ZNF776: variants seen among roughly 807,000 people sequenced by gnomAD.
The protein encoded by ZNF776 is zinc finger protein 776.
Under a neutral mutation model 7.0 loss-of-function variants are expected in ZNF776, and 4 were observed. The ratio of observed to expected loss-of-function variants is 0.57; its 90% CI spans 0.28 to 1.31. ZNF776 has a LOEUF of 1.31. Among genes scored for constraint, ZNF776 ranks in the 50% most tolerant of loss-of-function variants. ZNF776 has a pLI of 0.10. For missense variants in ZNF776, 555 were observed against 625.9 expected (o/e 0.89, Z 1.21); for synonymous variants, 212 against 213.7 (o/e 0.99, Z 0.07).
In ZNF776 at chr19:57,753,311, G is replaced by C. The variant is rs1323630153; in HGVS notation, c.181G>C (p.Asp61His). ...SSLGCWYGAK[D>H]ETPSKQTLSI... is the part of the protein sequence containing the mutation. ...TTTAGGTTGTTGGTATGGAGCAAAA[G>C]ACGAGACACCTTCTAAGCAGACCCT... is the stretch of plus-strand genomic sequence containing the variant. Residue 61 changes from aspartate (D) to histidine (H), a missense_variant, in exon 3 of 3, where the codon GAC (aspartate) becomes CAC (histidine). Coordinates refer to ENST00000317178, the MANE Select transcript of ZNF776 (RefSeq NM_173632.4). 3 of 1,609,704 alleles carry C rather than the reference G, an allele frequency of 1.9e-6. No homozygotes were observed. Among genetic ancestry groups the C allele is most frequent in the Non-Finnish European group, 2.5e-6 (3 of 1,178,408 alleles).
intron 1 of ZNF776, 33 bp from the exon 2 acceptor site, chr19:57,750,752 T>C (rs574431727): frequency 1.3e-6 from 2 of 1,596,764 alleles, no homozygotes; most frequent in African/African-American, 1.3e-5. Context: ...GCATATGGAG[T>C]GTTTGTGGTT....
chr19:57,753,386 A>T lies in ZNF776; in HGVS notation c.256A>T (p.Thr86Ser). 5.6e-6 allele frequency: 9 copies of T among 1,614,240 alleles called. No individual in the cohort carries two copies. The highest frequency in any genetic ancestry group is 7.6e-6 in the Non-Finnish European group (9 of 1,180,046). ...CAGGACACATTGGACAGGTGTATGT[A>T]CCAAGAAGGTCCACCTCTGGGGAAT... ...PLRTHWTGVCTKKVHLWGMCG... is the reference protein window; with the variant it reads ...PLRTHWTGVCSKKVHLWGMCG... Residue 86 changes from threonine to serine, a missense_variant, in exon 3 of 3, where the codon ACC becomes TCC. Coordinates refer to ENST00000317178, the MANE Select transcript of ZNF776 (RefSeq NM_173632.4).
chr19:57,751,417 A>G (rs1346365821), intron 2 of ZNF776, among the ~76,000 whole-genome samples: 1 of 152,174 alleles, frequency 6.6e-6, no homozygotes, highest in Non-Finnish European at 1.5e-5. Flanking sequence ...GCTGGAGTGC[A>G]GTGCTGCAGT....
Position 57,747,039 on chromosome 19 carries a change from C to G in ZNF776, c.-20C>G, listed in dbSNP as rs1414871571. The G allele has an allele frequency of 1.9e-6, 3 of 1,577,692 alleles. No individual in the cohort carries two copies. Among genetic ancestry groups the G allele is most frequent in the Non-Finnish European group, 2.6e-6 (3 of 1,161,476 alleles). ...ACTGCTCGCCCCCTCCTTTCGACCC[C>G]GCTTTCCCCACCCAGTCGGATGGCG... On this transcript the variant is annotated 5_prime_UTR_variant, in exon 1 of 3. Transcript: ENST00000317178.
Position 57,755,085 on chromosome 19 carries a change from G to T in ZNF776, c.*398G>T, listed in dbSNP as rs1986737749. 5.1e-6 allele frequency: 1 copy of T among 196,008 alleles called. No individual in the cohort carries two copies. The highest frequency in any genetic ancestry group is 9.8e-5 in the South Asian group (1 of 10,206). 12.1% of individuals were successfully genotyped at this position (196,008 alleles called of 1,614,324 possible). On this transcript the variant is annotated 3_prime_UTR_variant, in exon 3 of 3. Coordinates refer to ENST00000317178, the MANE Select transcript of ZNF776 (RefSeq NM_173632.4). The stretch of plus-strand genomic sequence containing the variant: ...TATTCATCAGATAATTTACAATGGA[G>T]AAAGGCCACATAATAATTTCTCACA...
In ZNF776 at chr19:57,753,400, C is replaced by T. The variant is rs1255873458; in HGVS notation, c.270C>T (p.His90=). 1 of 1,614,200 alleles carries T rather than the reference C, an allele frequency of 6.2e-7. No individual in the cohort carries two copies. The highest frequency in any genetic ancestry group is 8.5e-7 in the Non-Finnish European group (1 of 1,180,038). Reference sequence around the variant, plus strand: ...CAGGTGTATGTACCAAGAAGGTCCACCTCTGGGGAATGTGTGGCCCTCTCC... The same window carrying T: ...CAGGTGTATGTACCAAGAAGGTCCATCTCTGGGGAATGTGTGGCCCTCTCC... ...HWTGVCTKKV[H]LWGMCGPLLG... The change falls in exon 3 of 3, where the codon CAC becomes CAT. Residue 90 remains histidine (H), a synonymous_variant. Coordinates refer to ENST00000317178, the MANE Select transcript of ZNF776 (RefSeq NM_173632.4).
chr19:57,753,497 T>C lies in ZNF776; in HGVS notation c.367T>C (p.Leu123=), dbSNP rs147594107. 7 of 1,613,850 alleles carry C rather than the reference T, an allele frequency of 4.3e-6. No homozygotes were observed. Among genetic ancestry groups the C allele is most frequent in the African/African-American group, 2.7e-5 (2 of 74,844 alleles). ...LNGFGAYEKK[L]DDDANHHQDQ... ...TGGGTTTGGGGCATATGAAAAAAAA[T>C]TGGATGACGATGCAAACCATCATCA... The change falls in exon 3 of 3, where the codon TTG becomes CTG. Residue 123 remains leucine, a synonymous_variant. Transcript: ENST00000317178.
In ZNF776 at chr19:57,754,809, C is replaced by G. The variant is rs980299061; in HGVS notation, c.*122C>G. 1 of 936,432 alleles carries G rather than the reference C, an allele frequency of 1.1e-6. No homozygotes were observed. The highest frequency in any genetic ancestry group is 1.6e-6 in the Non-Finnish European group (1 of 628,196). The allele number at this position is 936,432 out of a possible 1,614,324, so 58.0% of individuals were successfully genotyped here. On this transcript the variant is annotated 3_prime_UTR_variant, in exon 3 of 3. Coordinates refer to ENST00000317178, the MANE Select transcript of ZNF776 (RefSeq NM_173632.4). Reference sequence around the variant, plus strand: ...ATCTAGCCAAAAGGTTGGCCTCATTCAACAATAGCAAGATCACACTGGGGA... The same window carrying G: ...ATCTAGCCAAAAGGTTGGCCTCATTGAACAATAGCAAGATCACACTGGGGA...
intron 1 of ZNF776, among the ~76,000 whole-genome samples, chr19:57,748,228 C>T (rs1986497271): frequency 6.6e-6 from 1 of 152,302 alleles, no homozygotes; most frequent in South Asian, 2.1e-4. Context: ...TATTTTGTTA[C>T]AGCATCTAGG....
At chr19:57,752,472 C>T (rs796404108) in intron 2 of ZNF776, among the ~76,000 whole-genome samples, 8 of 152,260 alleles carry the variant, frequency 5.3e-5, no homozygotes, top group African/African-American at 1.9e-4. Flanking sequence ...TGAGAGTTCT[C>T]AGTGATCCAG....
At position 57,751,683 on chromosome 19, in the gene ZNF776, T is replaced by G. The variant is rs1204010543; in HGVS notation, c.160+772T>G. On this transcript the variant is annotated intron_variant, in intron 2 of 2. Coordinates refer to ENST00000317178, the MANE Select transcript of ZNF776 (RefSeq NM_173632.4). ...GCCCTGAGTATTTTTTGCTTTTTTG[T>G]TTTTTTTTTTTTCAGACAGGGTTTC... Among the ~76,000 whole-genome samples the G allele has an allele frequency of 2.2e-5, 3 of 139,518 alleles. 1 individual carries two copies. The East Asian group carries it at 6.1e-4, about 28-fold the overall frequency. The allele number at this position is 139,518 out of a possible 152,430, so 91.5% of individuals were successfully genotyped here. A position where few individuals can be genotyped will look rare whatever the true frequency, so the allele number is the denominator to read the frequency against.
rs748713222 is a variant in ZNF776 at position 57,750,851 on chromosome 19, G to A, written c.100G>A (p.Ala34Thr). The A allele has an allele frequency of 1.5e-5, 24 of 1,613,278 alleles. No homozygotes were observed. The highest frequency in any genetic ancestry group is 1.9e-5 in the Non-Finnish European group (22 of 1,179,532). The change falls in exon 2 of 3, where the codon GCT becomes ACT. Residue 34 changes from alanine to threonine, a missense_variant. Transcript: ENST00000317178. The part of the protein sequence containing the change: ...SQEEWSLLSE[A>T]QRCLYHDVML... Reference sequence around the variant, plus strand: ...GGAGGAATGGAGTCTCCTTAGTGAGGCTCAGAGATGCCTTTATCATGACGT... The same window carrying A: ...GGAGGAATGGAGTCTCCTTAGTGAGACTCAGAGATGCCTTTATCATGACGT...
chr19:57,754,415 G>C lies in ZNF776; in HGVS notation c.1285G>C (p.Glu429Gln), dbSNP rs1369862325. Residue 429 changes from glutamate (E) to glutamine (Q), a missense_variant, in exon 3 of 3, where the codon GAA becomes CAA. Transcript: ENST00000317178. ...LTEHQRVHTG[E>Q]RPYECRECGK... ...TGAACACCAGAGAGTTCACACTGGAGAAAGGCCATATGAGTGTAGAGAATG... is the reference window on the plus strand; with the variant it reads ...TGAACACCAGAGAGTTCACACTGGACAAAGGCCATATGAGTGTAGAGAATG... 1.2e-6 allele frequency: 2 copies of C among 1,614,200 alleles called. No homozygotes were observed. The highest frequency in any genetic ancestry group is 3.3e-5 in the Admixed American group (2 of 60,024).
In ZNF776 at chr19:57,754,254, C is replaced by T. The variant is rs774204352; in HGVS notation, c.1124C>T (p.Pro375Leu). 12 of 1,613,984 alleles carry T rather than the reference C, an allele frequency of 7.4e-6. No individual in the cohort carries two copies. Among genetic ancestry groups the T allele is most frequent in the Middle Eastern group, 1.7e-4 (1 of 6,060 alleles). ...QHQRVHTGERPFECTACGKLF... is the reference protein window; with the variant it reads ...QHQRVHTGERLFECTACGKLF... ...CAGCGAGTTCACACTGGAGAAAGAC[C>T]TTTTGAGTGTACGGCATGTGGGAAG... The change falls in exon 3 of 3, where the codon CCT (proline) becomes CTT (leucine). Residue 375 changes from proline to leucine, a missense_variant. Transcript: ENST00000317178.
At chr19:57,747,496 G>T (rs780677006) in intron 1 of ZNF776, among the ~76,000 whole-genome samples, 11 of 152,146 alleles carry the variant, frequency 7.2e-5, no homozygotes, top group Non-Finnish European at 1.6e-4. Flanking sequence ...AAGTCCAGTC[G>T]AAAAAGAACA....
chr19:57,754,806 A>G lies in ZNF776; in HGVS notation c.*119A>G, dbSNP rs1674476251. 1 of 982,692 alleles carries G rather than the reference A, an allele frequency of 1.0e-6. No homozygotes were observed. Among genetic ancestry groups the G allele is most frequent in the Non-Finnish European group, 1.5e-6 (1 of 667,300 alleles). The allele number at this position is 982,692 out of a possible 1,614,324, so 60.9% of individuals were successfully genotyped here. On this transcript the variant is annotated 3_prime_UTR_variant, in exon 3 of 3. Coordinates refer to ENST00000317178, the MANE Select transcript of ZNF776 (RefSeq NM_173632.4). Reference sequence around the variant, plus strand: ...ATCATCTAGCCAAAAGGTTGGCCTCATTCAACAATAGCAAGATCACACTGG... The same window carrying G: ...ATCATCTAGCCAAAAGGTTGGCCTCGTTCAACAATAGCAAGATCACACTGG...
Position 57,756,127 on chromosome 19 carries a change from T to G in ZNF776, c.*1440T>G, listed in dbSNP as rs1368151751. 6.6e-6 allele frequency: 1 copy of G among 152,230 alleles called. No individual in the cohort carries two copies. Among genetic ancestry groups the G allele is most frequent in the Non-Finnish European group, 1.5e-5 (1 of 68,040 alleles). 9.4% of individuals were successfully genotyped at this position (152,230 alleles called of 1,614,324 possible). ...GTTTACAAATTTGTGTTGGGCTGCA[T>G]TCAAAGCTGTCCTGAGATACATGCG... On this transcript the variant is annotated 3_prime_UTR_variant, in exon 3 of 3. Coordinates refer to ENST00000317178, the MANE Select transcript of ZNF776 (RefSeq NM_173632.4).
In ZNF776 at chr19:57,754,891, C is replaced by T. The variant is rs1363408256; in HGVS notation, c.*204C>T. 2.2e-5 allele frequency: 12 copies of T among 546,306 alleles called. No homozygotes were observed. Among genetic ancestry groups the T allele is most frequent in the Non-Finnish European group, 3.8e-5 (12 of 312,188 alleles). The allele number at this position is 546,306 out of a possible 1,614,324, so 33.8% of individuals were successfully genotyped here. On this transcript the variant is annotated 3_prime_UTR_variant, in exon 3 of 3. Coordinates refer to ENST00000317178, the MANE Select transcript of ZNF776 (RefSeq NM_173632.4). Reference sequence around the variant, plus strand: ...TCCTGTACATAGAAGTTTTGCCTCACCAAATACCAGAAGGGTCACACTGGA... The same window carrying T: ...TCCTGTACATAGAAGTTTTGCCTCATCAAATACCAGAAGGGTCACACTGGA...
At chr19:57,753,223 C>A in intron 2 of ZNF776, 68 bp from the exon 3 acceptor site, 3 of 1,433,930 alleles carry the variant, frequency 2.1e-6, no homozygotes, top group South Asian at 2.6e-5. Context: ...AGCTGTTGAT[C>A]AGGTATGGCT....
Sources: allele counts gnomAD v4.1 joint callset (sites outside exome capture counted in the v4.1 genomes callset), GRCh38; gene constraint gnomAD v4.1.1; transcripts MANE v1.5; gene names NCBI Gene and HGNC (gene_info 2026-07-23, HGNC 2026-07-21).